The following NBAS variants were observed in gnomAD, a reference collection of about 807,000 sequenced individuals.
The protein encoded by NBAS is NAG/BC035112 fusion.
NBAS carries 219 observed loss-of-function variants against 302.5 expected under a neutral mutation model. The observed-to-expected ratio is 0.72, with a 90% confidence interval of 0.65 to 0.81. The LOEUF (loss-of-function observed/expected upper bound fraction) is 0.81. NBAS is among the 30% of genes least tolerant of loss of function. The pLI is 0.00. For missense variants in NBAS, 2,932 were observed against 2,841.6 expected (o/e 1.03, Z -0.72); for synonymous variants, 1,118 against 1,021.6 (o/e 1.09, Z -1.80).
chr2:15,452,361 C>T (rs938835747), intron 21 of NBAS, among the ~76,000 whole-genome samples: 7 of 152,048 alleles, frequency 4.6e-5, no homozygotes, highest in African/African-American at 7.2e-5. Flanking sequence ...TTTGGGAGGC[C>T]GAGGCGGGTG....
At chr2:14,890,210 C>T in the NBAS span, among the ~76,000 whole-genome samples, 1 of 151,994 alleles carries the variant, frequency 6.6e-6, no homozygotes, top group East Asian at 1.9e-4. Flanking sequence ...ATCCTTTATT[C>T]GTAGTTCCTA....
chr2:15,476,015 G>GA, intron 13 of NBAS, 135 bp from the exon 14 acceptor site: 1 of 666,966 alleles, frequency 1.5e-6, no homozygotes. Flanking sequence ...TAAATAATAA[G>GA]AAAAAATAAA....
chr2:15,356,464 T>C lies in NBAS; in HGVS notation c.3818-48A>G. 4 of 1,248,802 alleles carry C rather than the reference T, an allele frequency of 3.2e-6. No individual in the cohort carries two copies. The South Asian group carries it at 4.8e-5, about 15-fold the overall frequency. The allele number at this position is 1,248,802 out of a possible 1,614,324, so 77.4% of individuals were successfully genotyped here. A position where few individuals can be genotyped will look rare whatever the true frequency, so the allele number is the denominator to read the frequency against. On this transcript the variant is annotated intron_variant, in intron 32 of 51. Coordinates refer to ENST00000281513, the MANE Select transcript of NBAS (RefSeq NM_015909.4). The stretch of plus-strand genomic sequence containing the variant: ...TAATGATTATGACAAGCAACGTCAA[T>C]TGATAGAAGAGCTTGTTAACACTGT...
Position 15,541,541 on chromosome 2 carries a change from T to A in NBAS, c.380-2185A>T, listed in dbSNP as rs891717223. 2.0e-5 allele frequency among the ~76,000 whole-genome samples: 3 copies of A among 152,142 alleles called. No homozygotes were observed. In the East Asian group the frequency reaches 5.8e-4, roughly 29 times the overall value. ...CACCAGGCATCAACGATTTTCTTCA[T>A]TTTGATTATTTATCAATAGGTTAAA... On this transcript the variant is annotated intron_variant, in intron 6 of 51. Coordinates refer to ENST00000281513, the MANE Select transcript of NBAS (RefSeq NM_015909.4).
At chr2:15,323,909 GAAAA>G (rs35027092) in intron 38 of NBAS, among the ~76,000 whole-genome samples, 4 of 141,528 alleles carry the variant, frequency 2.8e-5, no homozygotes, top group East Asian at 2.0e-4. Context: ...CACAGTTTCT[GAAAA>G]AAAAAAAAAA....
At chr2:15,528,525 C>A (rs1663043824) in intron 9 of NBAS, among the ~76,000 whole-genome samples, 1 of 147,576 alleles carries the variant, frequency 6.8e-6, no homozygotes, top group South Asian at 2.1e-4. Flanking sequence ...CACACACACA[C>A]ATAGAACATG....
At chr2:15,025,692 T>C in the NBAS span, among the ~76,000 whole-genome samples, 1 of 152,154 alleles carries the variant, frequency 6.6e-6, no homozygotes, top group Non-Finnish European at 1.5e-5. Flanking sequence ...CCTGATTATC[T>C]GTATTCCCAG....
chr2:14,793,407 A>T, the NBAS span, among the ~76,000 whole-genome samples: 3 of 152,186 alleles, frequency 2.0e-5, no homozygotes, highest in African/African-American at 7.2e-5. Flanking sequence ...TAATAAACCT[A>T]AATATAAAAT....
chr2:15,553,493 G>C lies in NBAS; in HGVS notation c.288-20C>G. On this transcript the variant is annotated intron_variant, in intron 4 of 51. Coordinates refer to ENST00000281513, the MANE Select transcript of NBAS (RefSeq NM_015909.4). ...CCATTGCTTTTATGGAGAAGAAAGA[G>C]GGGGAAGAAAATCTATTATGAATAT... is the stretch of plus-strand genomic sequence containing the variant. 2 of 1,601,556 alleles carry C rather than the reference G, an allele frequency of 1.2e-6. No homozygotes were observed. Among genetic ancestry groups the C allele is most frequent in the Non-Finnish European group, 1.7e-6 (2 of 1,168,792 alleles).
At chr2:15,122,832 A>G in the NBAS span, among the ~76,000 whole-genome samples, 1 of 152,234 alleles carries the variant, frequency 6.6e-6, no homozygotes, top group Non-Finnish European at 1.5e-5. Flanking sequence ...CCACCAGAGT[A>G]GCCCTGCTTC....
chr2:15,362,608 G>C (rs1254000569), intron 32 of NBAS, among the ~76,000 whole-genome samples: 2 of 152,114 alleles, frequency 1.3e-5, no homozygotes, highest in African/African-American at 4.8e-5. Context: ...ACATATATTG[G>C]AAACGGAATA....
At chr2:14,993,330 C>T in the NBAS span, among the ~76,000 whole-genome samples, 5 of 152,172 alleles carry the variant, frequency 3.3e-5, no homozygotes. Flanking sequence ...ATTTCTACCA[C>T]ATCCAAGACA....
intron 38 of NBAS, among the ~76,000 whole-genome samples, chr2:15,311,528 C>G (rs890424717): frequency 4.6e-5 from 7 of 152,150 alleles, no homozygotes; most frequent in Non-Finnish European, 8.8e-5. Flanking sequence ...GCAACAGAGA[C>G]AATTATTTCC....
At chr2:15,349,607 T>C (rs1673254739) in intron 35 of NBAS, among the ~76,000 whole-genome samples, 1 of 152,152 alleles carries the variant, frequency 6.6e-6, no homozygotes, top group Non-Finnish European at 1.5e-5. Context: ...TGATGTCCAA[T>C]CTGGTAGACA....
intron 26 of NBAS, among the ~76,000 whole-genome samples, chr2:15,399,218 G>T (rs1676025806): frequency 6.6e-6 from 1 of 152,062 alleles, no homozygotes; most frequent in Non-Finnish European, 1.5e-5. Context: ...CAGTGATTTT[G>T]CCTGGTCGAC....
chr2:14,822,512 T>C, the NBAS span, among the ~76,000 whole-genome samples: 1 of 152,174 alleles, frequency 6.6e-6, no homozygotes, highest in Non-Finnish European at 1.5e-5. Context: ...CCTATGGCTT[T>C]TGTATACATT....
At chr2:15,257,636 G>A (rs958471353) in intron 44 of NBAS, among the ~76,000 whole-genome samples, 1 of 152,010 alleles carries the variant, frequency 6.6e-6, no homozygotes, top group African/African-American at 2.4e-5. Context: ...CAGGTGATCT[G>A]CCCACCTCAG....
chr2:15,002,890 C>T, the NBAS span, among the ~76,000 whole-genome samples: 1 of 152,232 alleles, frequency 6.6e-6, no homozygotes, highest in East Asian at 1.9e-4. Flanking sequence ...GCGCCACGCG[C>T]AGCCCCTGTT....
chr2:15,261,455 T>C (rs1228725047), intron 44 of NBAS, among the ~76,000 whole-genome samples: 1 of 152,262 alleles, frequency 6.6e-6, no homozygotes, highest in Non-Finnish European at 1.5e-5. Context: ...CATTCATTTA[T>C]ACACTTAACA....
Sources: allele counts gnomAD v4.1 joint callset (sites outside exome capture counted in the v4.1 genomes callset), GRCh38; gene constraint gnomAD v4.1.1; transcripts MANE v1.5; gene names NCBI Gene and HGNC (gene_info 2026-07-23, HGNC 2026-07-21).